The following SVEP1 variants were observed in gnomAD, a reference collection of about 807,000 sequenced individuals.
SVEP1 encodes sushi, von Willebrand factor type A, EGF and pentraxin domain-containing protein 1.
A neutral mutation model predicts 367.3 loss-of-function variants in SVEP1; 164 were observed. The ratio of observed to expected loss-of-function variants is 0.45; its 90% confidence interval spans 0.39 to 0.51. The LOEUF (loss-of-function observed/expected upper bound fraction) is 0.51. Among genes scored for constraint, SVEP1 ranks in the 20% least tolerant of loss-of-function variants. The probability of loss-of-function intolerance (pLI) is 0.00; values close to 1 mark genes in which losing one functional copy is unlikely to be tolerated. For synonymous variants in SVEP1, 1,666 were observed against 1,611.6 expected, an observed-to-expected ratio of 1.03 and a Z score of -0.81; for missense variants, 4,117 against 4,425.3, an observed-to-expected ratio of 0.93 and a Z score of 1.98.
At chr9:110,572,895 T>C (rs1346806093) in intron 1 of SVEP1, among the ~76,000 whole-genome samples, 5 of 151,976 alleles carry the variant, frequency 3.3e-5, no homozygotes, top group South Asian at 2.1e-4. Context: ...TTCTTCATTA[T>C]TCATTCATTC....
chr9:110,516,679 GAAAAGA>G (rs1829808538), intron 3 of SVEP1, among the ~76,000 whole-genome samples: 1 of 152,054 alleles, frequency 6.6e-6, no homozygotes, highest in African/African-American at 2.4e-5. Flanking sequence ...TAGAGAGATA[GAAAAGA>G]AAGTTTAAAA....
At chr9:110,396,806 C>T (rs971752565) in intron 40 of SVEP1, among the ~76,000 whole-genome samples, 16 of 152,252 alleles carry the variant, frequency 1.1e-4, no homozygotes, top group African/African-American at 3.9e-4. Context: ...GTAGTTGAAT[C>T]TCTGAATAGA....
intron 46 of SVEP1, among the ~76,000 whole-genome samples, chr9:110,370,254 T>C (rs1827256594): frequency 6.6e-6 from 1 of 152,152 alleles, no homozygotes; most frequent in Non-Finnish European, 1.5e-5. Context: ...GATTAAGTTC[T>C]ACCTACTTAT....
chr9:110,450,014 T>C (rs376923778), intron 24 of SVEP1, 45 bp downstream of exon 24: 159 of 1,601,122 alleles, frequency 9.9e-5, no homozygotes, highest in Admixed American at 1.7e-4. Flanking sequence ...CACTGAATAG[T>C]TTAAAAAATA....
chr9:110,556,282 G>T (rs977857822), intron 1 of SVEP1, among the ~76,000 whole-genome samples: 1 of 152,122 alleles, frequency 6.6e-6, no homozygotes, highest in Non-Finnish European at 1.5e-5. Context: ...ATGTCAGGCT[G>T]CAAGAGAACT....
intron 1 of SVEP1, among the ~76,000 whole-genome samples, chr9:110,552,580 C>T (rs1449646742): frequency 6.6e-6 from 1 of 152,086 alleles, no homozygotes; most frequent in Non-Finnish European, 1.5e-5. Flanking sequence ...TAGATGGTCC[C>T]ATCTGGGAGT....
At chr9:110,455,526 T>C in intron 22 of SVEP1, 64 bp downstream of exon 22, 1 of 1,201,408 alleles carries the variant, frequency 8.3e-7, no homozygotes, top group Non-Finnish European at 1.2e-6. Flanking sequence ...CAAATTTATC[T>C]CAGTGATGAA....
intron 7 of SVEP1, among the ~76,000 whole-genome samples, chr9:110,497,476 TC>T (rs1216482926): frequency 6.6e-6 from 1 of 152,198 alleles, no homozygotes; most frequent in Non-Finnish European, 1.5e-5. Flanking sequence ...TATTTGAAGG[TC>T]AGGATGTCTT....
At chr9:110,455,437 C>T (rs1160588269) in intron 22 of SVEP1, among the ~76,000 whole-genome samples, 153 bp downstream of exon 22, 3 of 152,252 alleles carry the variant, frequency 2.0e-5, no homozygotes, top group Admixed American at 6.5e-5. Context: ...AACACTTTCC[C>T]AATGCAAATA....
intron 41 of SVEP1, among the ~76,000 whole-genome samples, chr9:110,389,228 A>C (rs928507321): frequency 6.2e-4 from 94 of 151,462 alleles, no homozygotes; most frequent in East Asian, 1.9e-3. Context: ...ATTTGAGAAA[A>C]CCCCCCCAAA....
chr9:110,375,925 A>C (rs1827344530), intron 45 of SVEP1, among the ~76,000 whole-genome samples: 1 of 148,854 alleles, frequency 6.7e-6, no homozygotes, highest in Admixed American at 6.6e-5. Flanking sequence ...GGAGTTTGCA[A>C]CATTTTGGTA....
intron 42 of SVEP1, 140 bp downstream of exon 42, chr9:110,387,145 G>A: frequency 1.3e-6 from 1 of 775,914 alleles, no homozygotes; most frequent in Non-Finnish European, 1.9e-6. Context: ...ATATCCCAGA[G>A]AATTCAGCTT....
intron 24 of SVEP1, among the ~76,000 whole-genome samples, chr9:110,447,883 C>G (rs141201454): frequency 2.6e-4 from 39 of 152,158 alleles, no homozygotes; most frequent in African/African-American, 6.3e-4. Flanking sequence ...TAATGGAATA[C>G]TAAGGAGCAA....
chr9:110,387,545 G>GAATATATAAAATAT (rs1199652648), intron 41 of SVEP1, 87 bp from the exon 42 acceptor site: 75 of 1,357,790 alleles, frequency 5.5e-5, no homozygotes, highest in Non-Finnish European at 7.4e-5. Flanking sequence ...ATATTTCATG[G>GAATATATAAAATAT]AATATATAAA....
At chr9:110,463,871 T>C (rs1294522054) in intron 18 of SVEP1, among the ~76,000 whole-genome samples, 1 of 152,162 alleles carries the variant, frequency 6.6e-6, no homozygotes, top group Non-Finnish European at 1.5e-5. Context: ...TGTTAACTTT[T>C]GTCATTCCTA....
chr9:110,450,371 G>C, intron 23 of SVEP1, 111 bp from the exon 24 acceptor site: 1 of 1,101,834 alleles, frequency 9.1e-7, no homozygotes, highest in South Asian at 1.5e-5. Flanking sequence ...TGGAATGGAG[G>C]CTGTGGAGCC....
chr9:110,395,969 C>A (rs2118984873), intron 40 of SVEP1, among the ~76,000 whole-genome samples: 1 of 151,136 alleles, frequency 6.6e-6, no homozygotes, highest in South Asian at 2.1e-4. Context: ...ACAAGGATAC[C>A]CAGGAATTGA....
chr9:110,445,699 C>G (rs1182766697), intron 26 of SVEP1, 138 bp downstream of exon 26: 9 of 858,822 alleles, frequency 1.0e-5, no homozygotes, highest in Non-Finnish European at 1.6e-5. Context: ...TGTTCAGATG[C>G]TCCATTTGAT....
intron 17 of SVEP1, among the ~76,000 whole-genome samples, chr9:110,466,984 T>C (rs1828949012): frequency 6.6e-6 from 1 of 152,090 alleles, no homozygotes; most frequent in Non-Finnish European, 1.5e-5. Flanking sequence ...AGTACTGGCC[T>C]TTCTTTCTGC....
Sources: allele counts gnomAD v4.1 joint callset (sites outside exome capture counted in the v4.1 genomes callset), GRCh38; gene constraint gnomAD v4.1.1; transcripts MANE v1.5; gene names NCBI Gene and HGNC (gene_info 2026-07-23, HGNC 2026-07-21).